Variants in NFATC2 observed in about 807,000 individuals in gnomAD.
The protein encoded by NFATC2 is nuclear factor of activated T cells 2.
NFATC2 carries 22 observed loss-of-function variants against 87.3 expected under a neutral mutation model. The observed-to-expected ratio is 0.25, with a 90% CI of 0.18 to 0.36. The LOEUF (loss-of-function observed/expected upper bound fraction) is 0.36, where lower values mean the gene tolerates loss of function less well. Among genes scored for constraint, NFATC2 ranks in the 10% least tolerant of loss-of-function variants. The pLI, the probability that NFATC2 is intolerant of heterozygous loss-of-function variation, is 1.00. For synonymous variants in NFATC2, 565 were observed against 542.2 expected (o/e 1.04, Z -0.58); for missense variants, 1,149 against 1,259.1 (o/e 0.91, Z 1.32).
intron 10 of NFATC2, among the ~76,000 whole-genome samples, chr20:51,397,132 G>A (rs550718779): frequency 7.9e-5 from 12 of 152,140 alleles, no homozygotes; most frequent in South Asian, 2.1e-4. Context: ...ACCTTGCCTC[G>A]GCCTCCCAAA....
chr20:51,410,078 C>T (rs1341829430), intron 9 of NFATC2, among the ~76,000 whole-genome samples: 4 of 151,948 alleles, frequency 2.6e-5, no homozygotes, highest in African/African-American at 9.7e-5. Context: ...GGCGTGGTGG[C>T]GGGCGCCTGT....
intron 3 of NFATC2, among the ~76,000 whole-genome samples, chr20:51,504,927 A>G (rs975944411): frequency 6.6e-6 from 1 of 152,072 alleles, no homozygotes; most frequent in African/African-American, 2.4e-5. Context: ...GCAGGGGAAA[A>G]AAAAGACTAA....
intron 2 of NFATC2, among the ~76,000 whole-genome samples, chr20:51,520,508 T>G (rs1030940221): frequency 3.1e-4 from 47 of 151,096 alleles, no homozygotes; most frequent in African/African-American, 1.1e-3. Context: ...GTCTCCCCAG[T>G]GACTAGCACA....
intron 10 of NFATC2, among the ~76,000 whole-genome samples, chr20:51,396,029 T>TGGGGG (rs1987030345): frequency 1.7e-5 from 2 of 119,886 alleles, no homozygotes; most frequent in African/African-American, 6.3e-5. Context: ...GTTTGTCAGC[T>TGGGGG]CCTAGTATGT....
At position 51,390,527 on chromosome 20, in the gene NFATC2, G is replaced by A. The variant is rs548995127; in HGVS notation, c.*969C>T. Reference sequence around the variant, plus strand: ...AGAAAGCAAGCCGGAACCTTGCAAAGCATCCAGGTTGTACAGCTGCAGCAG... The same window carrying A: ...AGAAAGCAAGCCGGAACCTTGCAAAACATCCAGGTTGTACAGCTGCAGCAG... On this transcript the variant is annotated 3_prime_UTR_variant, in exon 11 of 11. Coordinates refer to ENST00000371564, the MANE Select transcript of NFATC2 (RefSeq NM_012340.5). 6.6e-6 allele frequency: 1 copy of A among 152,346 alleles called. No individual in the cohort carries two copies. Among genetic ancestry groups the A allele is most frequent in the South Asian group, 2.1e-4 (1 of 4,830 alleles). 9.4% of individuals were successfully genotyped at this position (152,346 alleles called of 1,614,324 possible).
chr20:51,484,521 C>G (rs8126066), intron 3 of NFATC2, among the ~76,000 whole-genome samples: 1,900 of 152,372 alleles, frequency 0.012, 41 homozygotes, highest in African/African-American at 0.043. Context: ...GAGCACCACA[C>G]AGGTGTCCAA....
intron 2 of NFATC2, among the ~76,000 whole-genome samples, chr20:51,517,873 C>T (rs62229857): frequency 2.7e-4 from 41 of 150,098 alleles, no homozygotes; most frequent in African/African-American, 9.1e-4. Flanking sequence ...GCTGAAATTG[C>T]GCCACTGCAC....
chr20:51,398,638 A>T lies in NFATC2; in HGVS notation c.*44+5T>A, dbSNP rs769542521. On this transcript the variant is annotated splice_donor_5th_base_variant and intron_variant, in intron 10 of 10. Coordinates refer to ENST00000371564, the MANE Select transcript of NFATC2 (RefSeq NM_012340.5). The stretch of plus-strand genomic sequence containing the variant: ...ACAAAAGGAGAAGCAGAAGATATCG[A>T]TTACCTTTAACTTTGATTTCTCGGA... 7 of 1,587,890 alleles carry T rather than the reference A, an allele frequency of 4.4e-6. No individual in the cohort carries two copies. Among genetic ancestry groups the T allele is most frequent in the Non-Finnish European group, 5.1e-6 (6 of 1,165,594 alleles).
Position 51,423,086 on chromosome 20 carries a change from G to A in NFATC2, c.2722+8981C>T, listed in dbSNP as rs112469614. ...GAGGATCACTTGAGCCCAGGAGTTC[G>A]AGACCAGACTGGGCAACATAGCAAG... is the stretch of plus-strand genomic sequence containing the variant. On this transcript the variant is annotated intron_variant, in intron 9 of 10. Transcript: ENST00000371564. Among the ~76,000 whole-genome samples, 949 of 152,052 alleles carry A rather than the reference G, an allele frequency of 6.2e-3. 8 individuals are homozygous for A. Among genetic ancestry groups the A allele is most frequent in the African/African-American group, 0.022 (899 of 41,456 alleles).
intron 9 of NFATC2, among the ~76,000 whole-genome samples, chr20:51,426,931 T>C (rs527578805): frequency 2.0e-5 from 3 of 152,100 alleles, no homozygotes; most frequent in Admixed American, 6.5e-5. Flanking sequence ...AGGGCAGAAG[T>C]AGATTTAAGA....
intron 8 of NFATC2, among the ~76,000 whole-genome samples, chr20:51,434,322 T>C (rs1983238340): frequency 6.6e-6 from 1 of 152,278 alleles, no homozygotes; most frequent in African/African-American, 2.4e-5. Flanking sequence ...GAAACTGTCA[T>C]AGGATGCAAA....
intron 5 of NFATC2, among the ~76,000 whole-genome samples, chr20:51,472,367 C>T (rs1168787761): frequency 1.3e-5 from 2 of 152,142 alleles, no homozygotes; most frequent in African/African-American, 4.8e-5. Flanking sequence ...TGAATGTCCC[C>T]AATCTCCACT....
At position 51,452,417 on chromosome 20, in the gene NFATC2, G is replaced by A. The variant is rs192221591; in HGVS notation, c.1849+2131C>T. On this transcript the variant is annotated intron_variant, in intron 6 of 10. Coordinates refer to ENST00000371564, the MANE Select transcript of NFATC2 (RefSeq NM_012340.5). ...CTTCTCCCACTGGAGGCCATCCTGG[G>A]AGGTCGGAGCCAATTCCCAGGACTT... is the stretch of plus-strand genomic sequence containing the variant. 1.6e-3 allele frequency among the ~76,000 whole-genome samples: 248 copies of A among 152,258 alleles called. 2 individuals are homozygous for A. Among genetic ancestry groups the A allele is most frequent in the Admixed American group, 3.6e-3 (55 of 15,288 alleles).
rs747655558 is a variant in NFATC2, at chr20:51,474,106, G to A, written c.1582C>T (p.Leu528=). 1 of 1,614,216 alleles carries A rather than the reference G, an allele frequency of 6.2e-7. No individual in the cohort carries two copies. The highest frequency in any genetic ancestry group is 1.1e-5 in the South Asian group (1 of 91,086). Residue 528 remains leucine, a synonymous_variant, in exon 5 of 11, where the codon CTG becomes TTG. Coordinates refer to ENST00000371564, the MANE Select transcript of NFATC2 (RefSeq NM_012340.5). ...ILKLRNADIE[L]RKGETDIGRK... ...CCAATGTCCGTCTCGCCTTTCCGCA[G>A]CTCAATGTCGGCGTTTCTAAGCTTC... is the stretch of plus-strand genomic sequence containing the variant.
At chr20:51,549,916 G>C (rs1465623505) in intron 1 of NFATC2, among the ~76,000 whole-genome samples, 2 of 152,226 alleles carry the variant, frequency 1.3e-5, no homozygotes, top group Non-Finnish European at 2.9e-5. Context: ...TTTTGAACAA[G>C]AGGCGATGCA....
At chr20:51,531,542 C>T (rs8116009) in intron 1 of NFATC2, among the ~76,000 whole-genome samples, 4,821 of 152,288 alleles carry the variant, frequency 0.032, 207 homozygotes, top group African/African-American at 0.099. Flanking sequence ...AAGAGCTCTA[C>T]GCTGAGATCC....
At position 51,398,625 on chromosome 20, in the gene NFATC2, G is replaced by A; in HGVS notation, c.*44+18C>T. On this transcript the variant is annotated intron_variant, in intron 10 of 10. Coordinates refer to ENST00000371564, the MANE Select transcript of NFATC2 (RefSeq NM_012340.5). ...ACACAGCTGGAAAACAAAAGGAGAA[G>A]CAGAAGATATCGATTACCTTTAACT... 1 of 1,550,310 alleles carries A rather than the reference G, an allele frequency of 6.5e-7. No homozygotes were observed. The highest frequency in any genetic ancestry group is 8.8e-7 in the Non-Finnish European group (1 of 1,137,200).
intron 9 of NFATC2, among the ~76,000 whole-genome samples, chr20:51,408,719 T>G (rs1978754672): frequency 1.3e-5 from 2 of 152,084 alleles, no homozygotes; most frequent in South Asian, 4.1e-4. Context: ...GGGTACAAGG[T>G]AAGACTGCAA....
chr20:51,562,798 GT>G, upstream of NFATC2: 1 of 580,028 alleles, frequency 1.7e-6, no homozygotes, highest in Non-Finnish European at 3.0e-6. The surrounding 1 kb of genome is among the most constrained non-coding windows in gnomAD (Gnocchi z 5.8). Flanking sequence ...GCTCGGCGGA[GT>G]CGGCGCGGCT....
Sources: allele counts gnomAD v4.1 joint callset (sites outside exome capture counted in the v4.1 genomes callset), GRCh38; gene constraint gnomAD v4.1.1; non-coding constraint Gnocchi (gnomAD v3.1); transcripts MANE v1.5; gene names NCBI Gene and HGNC (gene_info 2026-07-23, HGNC 2026-07-21).